Variants in ARHGAP15 observed in about 807,000 individuals in gnomAD.
The protein encoded by ARHGAP15 is Rho GTPase activating protein 15.
A neutral mutation model predicts 63.7 loss-of-function variants in ARHGAP15; 51 were observed. The observed-to-expected ratio is 0.80, with a 90% CI of 0.64 to 1.01. The LOEUF is 1.01. ARHGAP15 is among the 50% of genes least tolerant of loss of function. The pLI is 0.00. For synonymous variants in ARHGAP15, 191 were observed against 193.8 expected (o/e 0.99, Z 0.12); for missense variants, 560 against 564.6 (o/e 0.99, Z 0.08).
intron 6 of ARHGAP15, among the ~76,000 whole-genome samples, chr2:143,253,576 A>G (rs559154147): frequency 1.3e-5 from 2 of 152,188 alleles, no homozygotes; most frequent in South Asian, 2.1e-4. Context: ...AATCAGAATG[A>G]TACTTGCTAA....
intron 6 of ARHGAP15, among the ~76,000 whole-genome samples, chr2:143,315,137 A>AAATTC (rs1342450959): frequency 1.3e-5 from 2 of 152,206 alleles, no homozygotes; most frequent in Non-Finnish European, 2.9e-5. Context: ...ATTTCACTTA[A>AAATTC]TACTTTTCTA....
At chr2:143,209,572 T>A (rs1049606755) in intron 3 of ARHGAP15, among the ~76,000 whole-genome samples, 1 of 142,096 alleles carries the variant, frequency 7.0e-6, no homozygotes, top group Non-Finnish European at 1.5e-5. Flanking sequence ...AAAAAACAAG[T>A]TTCTGTGAGA....
rs113592731 is a variant in ARHGAP15 at position 143,543,797 on chromosome 2, C to G, written c.926-12611C>G. On this transcript the variant is annotated intron_variant, in intron 10 of 13. Transcript: ENST00000295095. The stretch of plus-strand genomic sequence containing the variant: ...TGCTAGATGAGTTTAAATAAGGGAA[C>G]AACTGTTATTGGAATGCCTTTTTTT... 6.0e-3 allele frequency among the ~76,000 whole-genome samples: 906 copies of G among 152,128 alleles called. 9 individuals carry two copies. Among genetic ancestry groups the G allele is most frequent in the Non-Finnish European group, 8.7e-3 (589 of 67,996 alleles).
At chr2:143,756,757 A>G (rs889424749) in intron 13 of ARHGAP15, among the ~76,000 whole-genome samples, 2 of 152,202 alleles carry the variant, frequency 1.3e-5, no homozygotes, top group Admixed American at 6.5e-5. Context: ...AAAAAAGGTA[A>G]TACATGTTAA....
intron 6 of ARHGAP15, among the ~76,000 whole-genome samples, chr2:143,379,162 G>A (rs1445010889): frequency 1.3e-5 from 2 of 151,806 alleles, no homozygotes; most frequent in African/African-American, 2.4e-5. Flanking sequence ...ATGCATACAT[G>A]CCTTCCATGT....
intron 11 of ARHGAP15, among the ~76,000 whole-genome samples, chr2:143,578,283 G>GA (rs34530605): frequency 0.5 from 76,533 of 151,612 alleles, 20,838 homozygotes; most frequent in Non-Finnish European, 0.61. Context: ...ACATTGAAAA[G>GA]AAAAAAAACT....
At chr2:143,685,991 C>T (rs1683320718) in intron 12 of ARHGAP15, among the ~76,000 whole-genome samples, 1 of 151,936 alleles carries the variant, frequency 6.6e-6, no homozygotes, top group South Asian at 2.1e-4. Flanking sequence ...CATTTGTGTC[C>T]AGTATTATTA....
At chr2:143,577,670 A>G (rs577794410) in intron 11 of ARHGAP15, among the ~76,000 whole-genome samples, 3 of 152,198 alleles carry the variant, frequency 2.0e-5, no homozygotes, top group African/African-American at 7.2e-5. Context: ...TCCTTTCCCA[A>G]AGCACCTGAC....
intron 6 of ARHGAP15, among the ~76,000 whole-genome samples, chr2:143,273,629 G>A (rs1419765081): frequency 6.6e-6 from 1 of 152,096 alleles, no homozygotes; most frequent in African/African-American, 2.4e-5. Flanking sequence ...TATGCCATAT[G>A]TTGCATGACA....
intron 10 of ARHGAP15, 113 bp downstream of exon 10, chr2:143,519,477 A>G (rs2104983799): frequency 1.3e-6 from 1 of 768,990 alleles, no homozygotes; most frequent in East Asian, 2.9e-5. Context: ...TTAAAACTTG[A>G]CTTGTGTTAA....
At chr2:143,162,257 C>T (rs1419993103) in intron 2 of ARHGAP15, 1 of 151,932 alleles carries the variant, frequency 6.6e-6, no homozygotes, top group African/African-American at 2.4e-5. Flanking sequence ...ATACAGCTGA[C>T]CCCGAATCAC....
In ARHGAP15 at chr2:143,155,631, C is replaced by G; in HGVS notation, c.141C>G (p.Thr47=). ...RLSQSKSMIL[T]DVGKVTEPIS... Reference sequence around the variant, plus strand: ...GCCAAAGTAAATCCATGATCCTCACCGATGTCGGGAAGGTCACTGAACCTG... The same window carrying G: ...GCCAAAGTAAATCCATGATCCTCACGGATGTCGGGAAGGTCACTGAACCTG... Residue 47 remains threonine (T), a synonymous_variant, in exon 2 of 14, where the codon ACC becomes ACG. Coordinates refer to ENST00000295095, the MANE Select transcript of ARHGAP15 (RefSeq NM_018460.4). 6.3e-7 allele frequency: 1 copy of G among 1,582,560 alleles called. No individual in the cohort carries two copies.
chr2:143,445,398 C>T lies in ARHGAP15; in HGVS notation c.703+8356C>T, dbSNP rs183685915. ...GGCAGGTATCGACCTCCTGACCTCACGATCTGCCCACCTTGGCCTCCCAAA... is the reference window on the plus strand; with the variant it reads ...GGCAGGTATCGACCTCCTGACCTCATGATCTGCCCACCTTGGCCTCCCAAA... On this transcript the variant is annotated intron_variant, in intron 8 of 13. Coordinates refer to ENST00000295095, the MANE Select transcript of ARHGAP15 (RefSeq NM_018460.4). 2.9e-3 allele frequency among the ~76,000 whole-genome samples: 447 copies of T among 151,978 alleles called. 3 individuals carry two copies. The highest frequency in any genetic ancestry group is 5.2e-3 in the Non-Finnish European group (356 of 67,956).
Position 143,250,505 on chromosome 2 carries a change from T to C in ARHGAP15, c.385-6T>C. Reference sequence around the variant, plus strand: ...TCTTATTCTTACTTCATTTTTGTGATTACAGAAAACTGGGCACAAACCAGA... The same window carrying C: ...TCTTATTCTTACTTCATTTTTGTGACTACAGAAAACTGGGCACAAACCAGA... On this transcript the variant is annotated splice_polypyrimidine_tract_variant and splice_region_variant and intron_variant, in intron 5 of 13. Transcript: ENST00000295095. 6.2e-7 allele frequency: 1 copy of C among 1,612,018 alleles called. No homozygotes were observed. Among genetic ancestry groups the C allele is most frequent in the Non-Finnish European group, 8.5e-7 (1 of 1,178,386 alleles).
chr2:143,223,904 G>A (rs758980011), intron 4 of ARHGAP15, among the ~76,000 whole-genome samples: 1 of 152,128 alleles, frequency 6.6e-6, no homozygotes, highest in Non-Finnish European at 1.5e-5. Context: ...TGTAATATGG[G>A]AGTATCCTAG....
At position 143,435,633 on chromosome 2, in the gene ARHGAP15, A is replaced by G. The variant is rs1689580879; in HGVS notation, c.507A>G (p.Leu169=). 3 of 1,587,560 alleles carry G rather than the reference A, an allele frequency of 1.9e-6. No homozygotes were observed. The highest frequency in any genetic ancestry group is 2.8e-5 in the African/African-American group (2 of 70,698). Residue 169 remains leucine (L), a synonymous_variant, in exon 7 of 14, where the codon CTA becomes CTG. Coordinates refer to ENST00000295095, the MANE Select transcript of ARHGAP15 (RefSeq NM_018460.4). Reference sequence around the variant, plus strand: ...CAGTATCAGGAAATGAGTTCCTTCTACAGTCAGATATTGACTTCATCATAT... The same window carrying G: ...CAGTATCAGGAAATGAGTTCCTTCTGCAGTCAGATATTGACTTCATCATAT... The part of the protein sequence containing the change: ...ITTVSGNEFL[L]QSDIDFIILD...
At chr2:143,445,157 T>TATTTTA (rs1193625499) in intron 8 of ARHGAP15, among the ~76,000 whole-genome samples, 30 of 121,380 alleles carry the variant, frequency 2.5e-4, no homozygotes, top group African/African-American at 8.8e-4. Context: ...ACAATTATTT[T>TATTTTA]TTTTTTTTTT....
At chr2:143,260,085 T>C (rs968052432) in intron 6 of ARHGAP15, among the ~76,000 whole-genome samples, 1 of 152,130 alleles carries the variant, frequency 6.6e-6, no homozygotes, top group Admixed American at 6.6e-5. Flanking sequence ...GTTCATAAAT[T>C]TCTTCCCATT....
At chr2:143,499,867 T>C (rs1415837242) in intron 9 of ARHGAP15, among the ~76,000 whole-genome samples, 1 of 152,136 alleles carries the variant, frequency 6.6e-6, no homozygotes, top group Non-Finnish European at 1.5e-5. Context: ...ATTTTCATTA[T>C]TTAAAAAGAT....
Sources: gnomAD v4.1 joint callset for allele counts (sites outside exome capture counted in the v4.1 genomes callset) on GRCh38, gnomAD v4.1.1 for gene constraint, MANE v1.5 for transcripts, NCBI Gene and HGNC (gene_info 2026-07-23, HGNC 2026-07-21) for gene names.